SLC5A4: variants seen among roughly 807,000 people sequenced by gnomAD.
The protein encoded by SLC5A4 is probable glucose sensor protein SLC5A4.
A neutral mutation model predicts 70.3 loss-of-function variants in SLC5A4; 55 were observed. That is an observed-to-expected ratio of 0.78 (90% CI 0.63 to 0.98). The LOEUF (loss-of-function observed/expected upper bound fraction) is 0.98, where lower values mean the gene tolerates loss of function less well. Ranked by LOEUF, SLC5A4 falls within the 50% of genes least tolerant of loss-of-function variation. The pLI is 0.00. For synonymous variants in SLC5A4, 268 were observed against 305.7 expected (o/e 0.88, Z 1.29); for missense variants, 735 against 839.2 (o/e 0.88, Z 1.53).
chr22:32,337,557 A>G, the SLC5A4 span, among the ~76,000 whole-genome samples: 3 of 152,286 alleles, frequency 2.0e-5, no homozygotes, highest in African/African-American at 7.2e-5. Context: ...GAAAAGAAAA[A>G]AGAAACACAT....
the SLC5A4 span, chr22:32,269,862 G>A: frequency 6.1e-4 from 371 of 609,264 alleles, no homozygotes; most frequent in African/African-American, 6.1e-3. This position sits in a 1 kb window ranked among gnomAD's most constrained non-coding sequence, Gnocchi z 4.1. Flanking sequence ...CCTCATCACC[G>A]ATGGCATGCG....
the SLC5A4 span, among the ~76,000 whole-genome samples, chr22:32,328,662 A>C: frequency 6.6e-6 from 1 of 152,158 alleles, no homozygotes; most frequent in Admixed American, 6.5e-5. Flanking sequence ...CTCCTGAGAG[A>C]CCCCAAGCCA....
At chr22:32,313,862 G>A in the SLC5A4 span, among the ~76,000 whole-genome samples, 1 of 152,166 alleles carries the variant, frequency 6.6e-6, no homozygotes, top group Non-Finnish European at 1.5e-5. Context: ...AATGAAGGAT[G>A]CTCACTAACA....
rs148281524 is a variant in SLC5A4 at position 32,218,549 on chromosome 22, C to T, written c.1945G>A (p.Ala649Thr). The stretch of plus-strand genomic sequence containing the variant: ...TAGCCGTGAATAAAGACCACCACAG[C>T]CAGGAGGAGGATGGCGTTGATGTTC... ...IVNINAILLL[A>T]VVVFIHGYYA is the part of the protein sequence containing the mutation. Residue 649 changes from alanine to threonine, a missense_variant, in exon 15 of 15, where the codon GCT becomes ACT. Coordinates refer to ENST00000266086, the MANE Select transcript of SLC5A4 (RefSeq NM_014227.3). 74 of 1,613,588 alleles carry T rather than the reference C, an allele frequency of 4.6e-5. No individual in the cohort carries two copies. In the African/African-American group the frequency reaches 9.1e-4, roughly 20 times the overall value.
At chr22:32,354,630 G>A in the SLC5A4 span, among the ~76,000 whole-genome samples, 1 of 151,380 alleles carries the variant, frequency 6.6e-6, no homozygotes, top group African/African-American at 2.4e-5. Context: ...GTACAGCTTG[G>A]GATAGTGCTC....
the SLC5A4 span, among the ~76,000 whole-genome samples, chr22:32,328,142 G>GCA: frequency 1.3e-5 from 2 of 151,360 alleles, no homozygotes; most frequent in Non-Finnish European, 3.0e-5. Context: ...CCAGACCCCA[G>GCA]CACACACACA....
chr22:32,315,129 G>A, the SLC5A4 span, among the ~76,000 whole-genome samples: 2 of 152,216 alleles, frequency 1.3e-5, no homozygotes, highest in African/African-American at 4.8e-5. Context: ...AGGATGAGCA[G>A]AAGCATAACA....
chr22:32,272,026 A>G, the SLC5A4 span: 1 of 632,176 alleles, frequency 1.6e-6, no homozygotes. Flanking sequence ...TTATCTATCC[A>G]GTTCATCTCC....
At chr22:32,293,383 T>C in the SLC5A4 span, among the ~76,000 whole-genome samples, 1 of 152,268 alleles carries the variant, frequency 6.6e-6, no homozygotes, top group South Asian at 2.1e-4. Context: ...TGTTTTCTTC[T>C]TTTGGATAAG....
the SLC5A4 span, among the ~76,000 whole-genome samples, chr22:32,345,175 G>A: frequency 2.0e-5 from 3 of 152,026 alleles, no homozygotes; most frequent in East Asian, 3.9e-4. Flanking sequence ...CATGATATGA[G>A]GGATAAATTA....
At chr22:32,337,700 GA>G in the SLC5A4 span, among the ~76,000 whole-genome samples, 1 of 151,990 alleles carries the variant, frequency 6.6e-6, no homozygotes, top group Non-Finnish European at 1.5e-5. Context: ...TCCAGAGGGA[GA>G]AAACTCTGAT....
chr22:32,314,858 T>G, the SLC5A4 span, among the ~76,000 whole-genome samples: 5 of 152,046 alleles, frequency 3.3e-5, no homozygotes, highest in South Asian at 1.0e-3. Flanking sequence ...AAAATTCCCA[T>G]CAGACCTCAT....
At chr22:32,300,537 C>T in the SLC5A4 span, among the ~76,000 whole-genome samples, 1 of 150,988 alleles carries the variant, frequency 6.6e-6, no homozygotes, top group Non-Finnish European at 1.5e-5. Flanking sequence ...GTGCGCGCAC[C>T]CACTGACCTG....
At chr22:32,253,936 C>G (rs1238999402) in intron 2 of SLC5A4, among the ~76,000 whole-genome samples, 1 of 152,088 alleles carries the variant, frequency 6.6e-6, no homozygotes, top group Non-Finnish European at 1.5e-5. Flanking sequence ...ATACACACCA[C>G]CACGTCCAGC....
Position 32,247,397 on chromosome 22 carries a change from G to A in SLC5A4, c.477+14C>T, listed in dbSNP as rs374900527. The A allele has an allele frequency of 3.0e-4, 461 of 1,538,382 alleles. No homozygotes were observed. The highest frequency in any genetic ancestry group is 3.9e-4 in the Non-Finnish European group (432 of 1,111,002). ...ACCTCTTGAAGCTAAAATGCCAGGA[G>A]GCTCTGAACTCACAGAAATTAACAA... On this transcript the variant is annotated intron_variant, in intron 5 of 14. Coordinates refer to ENST00000266086, the MANE Select transcript of SLC5A4 (RefSeq NM_014227.3).
At chr22:32,257,817 C>T (rs1227768198), upstream of SLC5A4, among the ~76,000 whole-genome samples, 4 of 151,670 alleles carry the variant, frequency 2.6e-5, no homozygotes, top group Non-Finnish European at 4.4e-5. Flanking sequence ...AGAAACACAC[C>T]ACCATGCCCG....
the SLC5A4 span, among the ~76,000 whole-genome samples, chr22:32,306,166 T>G: frequency 1.3e-5 from 2 of 152,146 alleles, no homozygotes; most frequent in African/African-American, 4.8e-5. Flanking sequence ...GACATTGTTA[T>G]AAAAATTACT....
the SLC5A4 span, among the ~76,000 whole-genome samples, chr22:32,322,731 T>G: frequency 1.3e-5 from 2 of 152,170 alleles, no homozygotes; most frequent in Admixed American, 1.3e-4. Flanking sequence ...CCTGGGCTTG[T>G]GCATGGCATG....
chr22:32,270,366 GC>G, the SLC5A4 span: 2 of 1,407,820 alleles, frequency 1.4e-6, no homozygotes, highest in Non-Finnish European at 2.0e-6. Flanking sequence ...AGAGCATCCA[GC>G]CCCAGGTGGT....
Sources: gnomAD v4.1 joint callset for allele counts (sites outside exome capture counted in the v4.1 genomes callset) on GRCh38, gnomAD v4.1.1 for gene constraint, Gnocchi (gnomAD v3.1) non-coding constraint, MANE v1.5 for transcripts, NCBI Gene and HGNC (gene_info 2026-07-23, HGNC 2026-07-21) for gene names.